Variants in CLMP observed in about 807,000 individuals in gnomAD.
The protein encoded by CLMP is CXADR-like membrane protein.
In CLMP, 27 loss-of-function variants were observed where a neutral mutation model predicts 45.2. The ratio of observed to expected loss-of-function variants is 0.60; its 90% CI spans 0.44 to 0.82. The LOEUF (loss-of-function observed/expected upper bound fraction) is 0.82. CLMP is among the 40% of genes least tolerant of loss of function. CLMP has a pLI of 0.00. For synonymous variants in CLMP, 167 were observed against 171.4 expected (o/e 0.97, Z 0.20); for missense variants, 403 against 448.4 (o/e 0.90, Z 0.91).
chr11:123,181,060 GAAC>G (rs1421796733), intron 1 of CLMP, among the ~76,000 whole-genome samples: 1 of 152,144 alleles, frequency 6.6e-6, no homozygotes, highest in African/African-American at 2.4e-5. Context: ...GCAGGGGAAA[GAAC>G]AATGCGCAAT....
intron 1 of CLMP, among the ~76,000 whole-genome samples, chr11:123,137,302 C>A (rs1467100737): frequency 2.6e-5 from 4 of 151,384 alleles, no homozygotes; most frequent in Non-Finnish European, 4.4e-5. Flanking sequence ...TACAGGCACC[C>A]GCCACCACGC....
chr11:123,130,825 T>C (rs1565391800), intron 1 of CLMP, among the ~76,000 whole-genome samples: 1 of 151,346 alleles, frequency 6.6e-6, no homozygotes, highest in Non-Finnish European at 1.5e-5. Context: ...CCAAATGGAA[T>C]CGTTTTTTTC....
chr11:123,075,796 T>C (rs1865732288), intron 5 of CLMP, among the ~76,000 whole-genome samples: 1 of 152,126 alleles, frequency 6.6e-6, no homozygotes, highest in South Asian at 2.1e-4. Flanking sequence ...AGGATAACAT[T>C]TGGGCATTCC....
At chr11:123,096,472 T>C (rs368999626) in intron 2 of CLMP, among the ~76,000 whole-genome samples, 47 of 152,218 alleles carry the variant, frequency 3.1e-4, no homozygotes, top group African/African-American at 1.1e-3. Context: ...TGCAGTGAGC[T>C]AAGATTGAGC....
intron 1 of CLMP, among the ~76,000 whole-genome samples, chr11:123,152,611 C>A (rs1313799693): frequency 6.6e-6 from 1 of 150,896 alleles, no homozygotes; most frequent in African/African-American, 2.4e-5. Context: ...TAGAGGAAAC[C>A]AACCCTACCA....
At chr11:123,158,709 G>A (rs562887042) in intron 1 of CLMP, among the ~76,000 whole-genome samples, 1 of 152,278 alleles carries the variant, frequency 6.6e-6, no homozygotes, top group Admixed American at 6.5e-5. Context: ...TTAACACAGG[G>A]GCTTTGGAAC....
Position 123,180,180 on chromosome 11 carries a change from C to G in CLMP, c.28+14733G>C, listed in dbSNP as rs150992619. Among the ~76,000 whole-genome samples the G allele has an allele frequency of 1.3e-3, 192 of 152,286 alleles. 2 individuals are homozygous for G. Among genetic ancestry groups the G allele is most frequent in the African/African-American group, 4.5e-3 (186 of 41,552 alleles). On this transcript the variant is annotated intron_variant, in intron 1 of 6. Transcript: ENST00000448775. ...CTGTGTCAGGCACTGTCCTAAGCAC[C>G]AAGGACCCAGAAGTAAATGAAGTAA...
chr11:123,170,878 C>T (rs1190078141), intron 1 of CLMP, among the ~76,000 whole-genome samples: 1 of 152,194 alleles, frequency 6.6e-6, no homozygotes, highest in African/African-American at 2.4e-5. Context: ...CTGTTCATCA[C>T]GGGGCGAGGA....
chr11:123,101,387 A>G lies in CLMP; in HGVS notation c.29-3435T>C, dbSNP rs71488399. ...CTCCCAAAGTGCTGGGATTACAGGC[A>G]TGAGCCACCAAACCCGGCCTCCCTG... On this transcript the variant is annotated intron_variant, in intron 1 of 6. Transcript: ENST00000448775. 5.9e-5 allele frequency among the ~76,000 whole-genome samples: 9 copies of G among 152,328 alleles called. No individual in the cohort carries two copies. The East Asian group carries it at 1.7e-3, about 29-fold the overall frequency.
intron 1 of CLMP, among the ~76,000 whole-genome samples, chr11:123,099,693 TG>T (rs1421842926): frequency 1.3e-5 from 2 of 151,650 alleles, no homozygotes; most frequent in Non-Finnish European, 2.9e-5. Context: ...GGAGAGGCGG[TG>T]GGGGGCAGAT....
intron 1 of CLMP, among the ~76,000 whole-genome samples, chr11:123,104,438 G>T (rs896350464): frequency 1.7e-4 from 25 of 150,500 alleles, no homozygotes; most frequent in Non-Finnish European, 8.8e-5. Flanking sequence ...AGGCTGGAAT[G>T]CAATGGCGTC....
At chr11:123,121,878 T>C (rs1430062050) in intron 1 of CLMP, among the ~76,000 whole-genome samples, 1 of 152,162 alleles carries the variant, frequency 6.6e-6, no homozygotes, top group Non-Finnish European at 1.5e-5. Context: ...TAGCTGGTAC[T>C]GACTACAGGC....
In CLMP at chr11:123,187,048, G is replaced by A. The variant is rs562748422; in HGVS notation, c.28+7865C>T. On this transcript the variant is annotated intron_variant, in intron 1 of 6. Coordinates refer to ENST00000448775, the MANE Select transcript of CLMP (RefSeq NM_024769.5). The stretch of plus-strand genomic sequence containing the variant: ...CAGACATTCATTTACTATTTATTAC[G>A]TACCAAGCAGAGCGTTAAAACTCTT... Among the ~76,000 whole-genome samples the A allele has an allele frequency of 2.7e-4, 41 of 152,204 alleles. 1 individual carries two copies. Among genetic ancestry groups the A allele is most frequent in the Non-Finnish European group, 5.0e-4 (34 of 68,024 alleles).
intron 2 of CLMP, among the ~76,000 whole-genome samples, chr11:123,096,576 C>T (rs1292780818): frequency 6.6e-6 from 1 of 152,052 alleles, no homozygotes; most frequent in African/African-American, 2.4e-5. Flanking sequence ...AGTGACCTCG[C>T]TCTACAGAGA....
At chr11:123,183,524 C>T (rs1352787724) in intron 1 of CLMP, among the ~76,000 whole-genome samples, 2 of 151,990 alleles carry the variant, frequency 1.3e-5, no homozygotes, top group Non-Finnish European at 2.9e-5. Flanking sequence ...AGCCACTGCA[C>T]CTGGCCTGAG....
intron 2 of CLMP, among the ~76,000 whole-genome samples, chr11:123,095,809 C>A (rs1430854035): frequency 3.3e-5 from 5 of 152,010 alleles, no homozygotes; most frequent in African/African-American, 7.2e-5. Flanking sequence ...AATAAGATAC[C>A]AAGAGTGGAG....
At chr11:123,133,530 C>T (rs540974434) in intron 1 of CLMP, among the ~76,000 whole-genome samples, 2 of 152,258 alleles carry the variant, frequency 1.3e-5, no homozygotes, top group South Asian at 4.2e-4. Context: ...TCCACTTTCG[C>T]TTATTGTCCC....
chr11:123,098,475 G>A (rs931051251), intron 1 of CLMP, among the ~76,000 whole-genome samples: 7 of 151,758 alleles, frequency 4.6e-5, no homozygotes, highest in African/African-American at 1.2e-4. Context: ...TGATCCACCC[G>A]CCTTGGTCTC....
intron 1 of CLMP, among the ~76,000 whole-genome samples, chr11:123,118,900 C>T (rs892133574): frequency 4.0e-5 from 6 of 150,904 alleles, no homozygotes; most frequent in African/African-American, 1.5e-4. Context: ...AGGGGATTGT[C>T]TTCCAGGTGA....
Sources: allele counts gnomAD v4.1 joint callset (sites outside exome capture counted in the v4.1 genomes callset), GRCh38; gene constraint gnomAD v4.1.1; transcripts MANE v1.5; gene names NCBI Gene and HGNC (gene_info 2026-07-23, HGNC 2026-07-21).